SLC25A26: variants seen among roughly 807,000 people sequenced by gnomAD.
SLC25A26 encodes solute carrier family 25 member 26.
A neutral mutation model predicts 37.8 loss-of-function variants in SLC25A26; 36 were observed. That is an observed-to-expected ratio of 0.95 (90% CI 0.73 to 1.26). The LOEUF (loss-of-function observed/expected upper bound fraction) is 1.26. Ranked by LOEUF, SLC25A26 falls within the 50% of genes most tolerant of loss-of-function variation. The pLI, the probability that SLC25A26 is intolerant of heterozygous loss-of-function variation, is 0.00. For synonymous variants in SLC25A26, 129 were observed against 122.5 expected (o/e 1.05, Z -0.35); for missense variants, 390 against 331.1 (o/e 1.18, Z -1.38).
intron 1 of SLC25A26, among the ~76,000 whole-genome samples, chr3:66,196,959 G>A (rs1346666908): frequency 6.6e-6 from 1 of 152,104 alleles, no homozygotes; most frequent in African/African-American, 2.4e-5. Flanking sequence ...GGCATATTTT[G>A]TTAATTCACT....
chr3:66,279,923 A>G (rs1030139067), intron 5 of SLC25A26, among the ~76,000 whole-genome samples: 8 of 152,210 alleles, frequency 5.3e-5, no homozygotes, highest in Non-Finnish European at 8.8e-5. Context: ...AAAATTTATT[A>G]TCCTTCACAG....
intron 1 of SLC25A26, among the ~76,000 whole-genome samples, chr3:66,192,335 AGAG>A (rs1220051383): frequency 5.0e-5 from 7 of 141,088 alleles, no homozygotes; most frequent in Non-Finnish European, 1.1e-4. Context: ...AAAAAAAAAA[AGAG>A]AGAGAAATTG....
At chr3:66,300,251 G>GGTTTTTTTTT (rs1553688691) in intron 5 of SLC25A26, among the ~76,000 whole-genome samples, 10 of 111,558 alleles carry the variant, frequency 9.0e-5, no homozygotes, top group Admixed American at 1.8e-4. Flanking sequence ...GGGTTTTTTT[G>GGTTTTTTTTT]TTTTGTTTTT....
intron 5 of SLC25A26, among the ~76,000 whole-genome samples, chr3:66,273,576 T>C (rs1334098862): frequency 6.6e-6 from 1 of 152,138 alleles, no homozygotes; most frequent in Non-Finnish European, 1.5e-5. Flanking sequence ...AAAATCAATG[T>C]ACAAAAATCA....
In SLC25A26 at chr3:66,286,875, C is replaced by G. The variant is rs572246683; in HGVS notation, c.453+23496C>G. On this transcript the variant is annotated intron_variant, in intron 5 of 9. Coordinates refer to ENST00000354883, the MANE Select transcript of SLC25A26 (RefSeq NM_001379210.1). ...GCGGGGTCTCACCATGTTGGCCAGTCTGGTGTTGAACCCCTGGCCTCATGT... is the reference window on the plus strand; with the variant it reads ...GCGGGGTCTCACCATGTTGGCCAGTGTGGTGTTGAACCCCTGGCCTCATGT... Among the ~76,000 whole-genome samples, 16 of 152,192 alleles carry G rather than the reference C, an allele frequency of 1.1e-4. No individual in the cohort carries two copies. The South Asian group carries it at 2.5e-3, about 24-fold the overall frequency.
chr3:66,334,384 G>A (rs1019072005), intron 5 of SLC25A26, among the ~76,000 whole-genome samples: 3 of 152,058 alleles, frequency 2.0e-5, no homozygotes, highest in Admixed American at 6.6e-5. Flanking sequence ...GCATGATCTC[G>A]GCTCAGTGCA....
intron 7 of SLC25A26, among the ~76,000 whole-genome samples, chr3:66,367,439 A>C (rs1017672142): frequency 6.6e-6 from 1 of 152,158 alleles, no homozygotes; most frequent in Non-Finnish European, 1.5e-5. Flanking sequence ...CCTAGCTCAT[A>C]AGGTACTTCA....
intron 1 of SLC25A26, among the ~76,000 whole-genome samples, chr3:66,162,411 A>G (rs763871450): frequency 6.6e-6 from 1 of 150,918 alleles, no homozygotes; most frequent in Non-Finnish European, 1.5e-5. Flanking sequence ...ACACAGGAGA[A>G]GTGACTTCTA....
intron 1 of SLC25A26, among the ~76,000 whole-genome samples, chr3:66,229,700 A>G (rs1359815435): frequency 1.3e-5 from 2 of 152,196 alleles, no homozygotes; most frequent in African/African-American, 2.4e-5. Context: ...GCTGTGTGAG[A>G]ACAGACTAAT....
intron 5 of SLC25A26, among the ~76,000 whole-genome samples, chr3:66,326,930 G>C (rs2075853729): frequency 6.6e-6 from 1 of 152,230 alleles, no homozygotes. Flanking sequence ...GGTTGCAGAT[G>C]TTAGCCTAAG....
intron 6 of SLC25A26, among the ~76,000 whole-genome samples, chr3:66,353,370 C>G (rs1236444933): frequency 6.6e-6 from 1 of 152,198 alleles, no homozygotes; most frequent in Admixed American, 6.5e-5. Flanking sequence ...CTGGCCTGGT[C>G]TTTGTTCTGT....
At chr3:66,134,968 T>G (rs2106651844) in intron 1 of SLC25A26, among the ~76,000 whole-genome samples, 1 of 152,158 alleles carries the variant, frequency 6.6e-6, no homozygotes, top group South Asian at 2.1e-4. Flanking sequence ...GTAGCTGGGA[T>G]TATAGGCACC....
intron 5 of SLC25A26, among the ~76,000 whole-genome samples, chr3:66,282,542 A>T (rs912500494): frequency 6.6e-6 from 1 of 152,072 alleles, no homozygotes; most frequent in Non-Finnish European, 1.5e-5. Context: ...GCCCCTCCCC[A>T]AGGGGGCCTT....
At chr3:66,341,165 AG>A (rs778679812) in intron 5 of SLC25A26, among the ~76,000 whole-genome samples, 2 of 152,112 alleles carry the variant, frequency 1.3e-5, no homozygotes, top group Non-Finnish European at 2.9e-5. Context: ...CATGATCTTA[AG>A]GGGAAAGCAT....
intron 1 of SLC25A26, among the ~76,000 whole-genome samples, chr3:66,224,313 A>G (rs2071638658): frequency 6.6e-6 from 1 of 152,228 alleles, no homozygotes; most frequent in Non-Finnish European, 1.5e-5. Context: ...ATTGACTTAC[A>G]GTTCCATTTG....
chr3:66,229,544 C>T (rs1350105095), intron 1 of SLC25A26, among the ~76,000 whole-genome samples: 1 of 152,220 alleles, frequency 6.6e-6, no homozygotes, highest in African/African-American at 2.4e-5. Flanking sequence ...TCTCTGTGTC[C>T]TGCCGCCCTG....
chr3:66,213,366 C>CTCCA (rs2071312424), intron 1 of SLC25A26, among the ~76,000 whole-genome samples: 1 of 131,156 alleles, frequency 7.6e-6, no homozygotes, highest in Admixed American at 8.8e-5. Context: ...TGCCACTGCA[C>CTCCA]TCCACCCTGG....
intron 3 of SLC25A26, among the ~76,000 whole-genome samples, chr3:66,256,470 TAATA>T (rs2073306591): frequency 6.6e-6 from 1 of 152,150 alleles, no homozygotes; most frequent in African/African-American, 2.4e-5. Flanking sequence ...TGTGAAATAA[TAATA>T]AATGTGAATT....
chr3:66,270,533 A>G (rs373420873), intron 5 of SLC25A26, among the ~76,000 whole-genome samples: 25 of 152,310 alleles, frequency 1.6e-4, no homozygotes, highest in African/African-American at 6.0e-4. Context: ...CTTTCAGTAA[A>G]TGTGTAATGA....
Sources: gnomAD v4.1 joint callset for allele counts (sites outside exome capture counted in the v4.1 genomes callset) on GRCh38, gnomAD v4.1.1 for gene constraint, MANE v1.5 for transcripts, NCBI Gene and HGNC (gene_info 2026-07-23, HGNC 2026-07-21) for gene names.